The following SMARCA2 variants were observed in gnomAD, a reference collection of about 807,000 sequenced individuals.
SMARCA2 encodes SWI/SNF-related matrix-associated actin-dependent regulator of chromatin subfamily A member 2.
A neutral mutation model predicts 199.8 loss-of-function variants in SMARCA2; 61 were observed. The ratio of observed to expected loss-of-function variants is 0.31; its 90% CI spans 0.25 to 0.38. The LOEUF (loss-of-function observed/expected upper bound fraction) is 0.38, where lower values mean the gene tolerates loss of function less well. SMARCA2 is among the 10% of genes least tolerant of loss of function. The pLI is 1.00. For synonymous variants in SMARCA2, 935 were observed against 732.0 expected (o/e 1.28, Z -4.48); for missense variants, 1,344 against 2,012.2 (o/e 0.67, Z 6.35).
At chr9:2,068,084 AT>A (rs1460685006) in intron 9 of SMARCA2, among the ~76,000 whole-genome samples, 2 of 152,186 alleles carry the variant, frequency 1.3e-5, no homozygotes, top group Admixed American at 6.5e-5. Context: ...GGTGGGATTA[AT>A]TGACTTTCCC....
At chr9:2,179,141 G>A (rs1293229450) in intron 29 of SMARCA2, among the ~76,000 whole-genome samples, 1 of 152,156 alleles carries the variant, frequency 6.6e-6, no homozygotes, top group Non-Finnish European at 1.5e-5. Flanking sequence ...TGGAGACCTG[G>A]AATGGGTCAT....
At chr9:2,030,921 A>G (rs1026770292) in intron 2 of SMARCA2, among the ~76,000 whole-genome samples, 7 of 152,230 alleles carry the variant, frequency 4.6e-5, no homozygotes, top group Non-Finnish European at 8.8e-5. Context: ...TGATTTTTCA[A>G]ATTAGGAAAG....
intron 19 of SMARCA2, among the ~76,000 whole-genome samples, chr9:2,089,972 C>T (rs1278512197): frequency 6.6e-6 from 1 of 152,022 alleles, no homozygotes; most frequent in Non-Finnish European, 1.5e-5. Flanking sequence ...TTCCATAAGA[C>T]TTCTTAATCT....
At position 2,091,168 on chromosome 9, in the gene SMARCA2, G is replaced by C. The variant is rs181824263; in HGVS notation, c.2883+2555G>C. ...TATGAGTTTTGACAAATGAAGAGTT[G>C]TGTTAACCATGCCCACAACAAAAAT... is the stretch of plus-strand genomic sequence containing the variant. On this transcript the variant is annotated intron_variant, in intron 19 of 33. Coordinates refer to ENST00000349721, the MANE Select transcript of SMARCA2 (RefSeq NM_003070.5). Among the ~76,000 whole-genome samples the C allele has an allele frequency of 2.6e-3, 398 of 152,214 alleles. 2 individuals are homozygous for C. Among genetic ancestry groups the C allele is most frequent in the African/African-American group, 8.9e-3 (368 of 41,538 alleles).
At chr9:2,122,504 C>G (rs950934057) in intron 26 of SMARCA2, among the ~76,000 whole-genome samples, 23 of 152,180 alleles carry the variant, frequency 1.5e-4, no homozygotes, top group African/African-American at 5.3e-4. Flanking sequence ...AATTATAGCA[C>G]ATGACAGAGC....
chr9:2,038,333 A>G (rs1399271733), intron 3 of SMARCA2, among the ~76,000 whole-genome samples: 1 of 152,138 alleles, frequency 6.6e-6, no homozygotes, highest in Non-Finnish European at 1.5e-5. Context: ...GAAATAATGT[A>G]TGTTCTACCC....
chr9:2,100,946 T>C (rs1822484759), intron 21 of SMARCA2, among the ~76,000 whole-genome samples: 1 of 151,918 alleles, frequency 6.6e-6, no homozygotes, highest in African/African-American at 2.4e-5. Flanking sequence ...TCTTACATGG[T>C]GGCAGACAAG....
chr9:2,037,055 A>G (rs1215455109), intron 3 of SMARCA2, among the ~76,000 whole-genome samples: 2 of 152,164 alleles, frequency 1.3e-5, no homozygotes, highest in African/African-American at 4.8e-5. Context: ...TTCTACTGTG[A>G]AAATGTTAGT....
intron 10 of SMARCA2, among the ~76,000 whole-genome samples, chr9:2,072,799 A>G (rs767176472): frequency 6.6e-6 from 1 of 152,228 alleles, no homozygotes; most frequent in Admixed American, 6.5e-5. Context: ...CCCCAATATT[A>G]TGCTCTACAA....
At chr9:2,113,605 A>G (rs1229683554) in intron 24 of SMARCA2, among the ~76,000 whole-genome samples, 1 of 152,232 alleles carries the variant, frequency 6.6e-6, no homozygotes, top group East Asian at 1.9e-4. Flanking sequence ...GTCTAGAAAT[A>G]TTAGCTTTTG....
intron 1 of SMARCA2, among the ~76,000 whole-genome samples, chr9:2,026,063 A>G (rs752775721): frequency 6.6e-6 from 1 of 152,176 alleles, no homozygotes; most frequent in Admixed American, 6.5e-5. Flanking sequence ...GCCTAGAGGA[A>G]GTCAGGACCC....
chr9:2,060,716 A>C (rs147376767), intron 8 of SMARCA2, 100 bp from the exon 9 acceptor site: 1 of 1,124,686 alleles, frequency 8.9e-7, no homozygotes. Context: ...CTACACTCCT[A>C]CCAGTCAAAA....
rs1823362481 is a variant in SMARCA2, at chr9:2,119,588, T to G, written c.3762+53T>G. On this transcript the variant is annotated intron_variant, in intron 26 of 33. Transcript: ENST00000349721. The surrounding 1 kb of genome is among the most constrained non-coding windows in gnomAD (Gnocchi z 4.6). ...AATGCTTTATACCTCTGCCCCTTTT[T>G]CTGTTAAGCAGAATGTCTGCAGCCT... 8.0e-7 allele frequency: 1 copy of G among 1,250,826 alleles called. No homozygotes were observed. Among genetic ancestry groups the G allele is most frequent in the Non-Finnish European group, 1.2e-6 (1 of 853,850 alleles). 77.5% of individuals were successfully genotyped at this position (1,250,826 alleles called of 1,614,324 possible). A position where few individuals can be genotyped will look rare whatever the true frequency, so the allele number is the denominator to read the frequency against.
chr9:2,144,467 G>C (rs1586751075), intron 27 of SMARCA2, among the ~76,000 whole-genome samples: 1 of 152,090 alleles, frequency 6.6e-6, no homozygotes, highest in Non-Finnish European at 1.5e-5. Flanking sequence ...CCAGTCTTTG[G>C]GGTATCACTT....
chr9:2,096,162 G>C (rs1436137852), intron 19 of SMARCA2, among the ~76,000 whole-genome samples: 1 of 152,060 alleles, frequency 6.6e-6, no homozygotes, highest in Non-Finnish European at 1.5e-5. Context: ...GTCACCCTAG[G>C]GATGTTATAA....
chr9:2,052,887 TAGAA>T (rs1427383564), intron 5 of SMARCA2, among the ~76,000 whole-genome samples: 2 of 152,320 alleles, frequency 1.3e-5, no homozygotes, highest in Non-Finnish European at 2.9e-5. Context: ...AACCAGAAGT[TAGAA>T]AGAAAAAAGT....
intron 1 of SMARCA2, among the ~76,000 whole-genome samples, chr9:2,028,584 G>C (rs540538148): frequency 5.8e-4 from 88 of 152,242 alleles, no homozygotes; most frequent in African/African-American, 2.0e-3. Flanking sequence ...CTTTTTAAAG[G>C]GTTCTGTATT....
At chr9:2,096,556 A>G (rs1157831913) in intron 19 of SMARCA2, 101 bp from the exon 20 acceptor site, 16 of 738,670 alleles carry the variant, frequency 2.2e-5, no homozygotes, top group African/African-American at 5.2e-5. Flanking sequence ...AGAAAGAGAG[A>G]CACCTTTGTG....
intron 33 of SMARCA2, 90 bp downstream of exon 33, chr9:2,191,498 C>T (rs982003386): frequency 4.4e-6 from 6 of 1,374,018 alleles, no homozygotes; most frequent in African/African-American, 1.4e-5. Flanking sequence ...AGCCTTTTCG[C>T]TTTATTACCC....
Sources: gnomAD v4.1 joint callset for allele counts (sites outside exome capture counted in the v4.1 genomes callset) on GRCh38, gnomAD v4.1.1 for gene constraint, Gnocchi (gnomAD v3.1) non-coding constraint, MANE v1.5 for transcripts, NCBI Gene and HGNC (gene_info 2026-07-23, HGNC 2026-07-21) for gene names.